The following PPP3CA variants were observed in gnomAD, a reference collection of about 807,000 sequenced individuals.
The protein encoded by PPP3CA is protein phosphatase 3 catalytic subunit alpha, also known as CAM-PRP catalytic subunit.
In PPP3CA, 14 loss-of-function variants were observed where a neutral mutation model predicts 66.5. That is an observed-to-expected ratio of 0.21 (90% CI 0.14 to 0.33). The LOEUF is 0.33. Among genes scored for constraint, PPP3CA ranks in the 10% least tolerant of loss-of-function variants. PPP3CA has a pLI of 1.00. For synonymous variants in PPP3CA, 232 were observed against 226.2 expected (o/e 1.03, Z -0.23); for missense variants, 317 against 639.5 (o/e 0.50, Z 5.44).
intron 1 of PPP3CA, among the ~76,000 whole-genome samples, chr4:101,204,188 G>T (rs985667379): frequency 4.0e-5 from 6 of 151,858 alleles, no homozygotes; most frequent in African/African-American, 1.2e-4. Context: ...TTAATTTTTT[G>T]TAGAGATAAG....
chr4:101,314,999 GA>G (rs1417316869), intron 1 of PPP3CA, among the ~76,000 whole-genome samples: 1 of 152,144 alleles, frequency 6.6e-6, no homozygotes, highest in Non-Finnish European at 1.5e-5. Context: ...CCTACTTACA[GA>G]AATCTTAACA....
chr4:101,240,199 A>G (rs1726262189), intron 1 of PPP3CA, among the ~76,000 whole-genome samples: 1 of 152,028 alleles, frequency 6.6e-6, no homozygotes, highest in Non-Finnish European at 1.5e-5. Flanking sequence ...ACAAAACAAC[A>G]GTTAAGATTG....
At chr4:101,149,204 C>T (rs1051941021) in intron 2 of PPP3CA, among the ~76,000 whole-genome samples, 4 of 152,068 alleles carry the variant, frequency 2.6e-5, no homozygotes, top group African/African-American at 9.7e-5. Context: ...ATGCATAAAG[C>T]ACCATCTTTC....
intron 2 of PPP3CA, among the ~76,000 whole-genome samples, chr4:101,195,254 T>G (rs1180074598): frequency 1.6e-5 from 2 of 124,206 alleles, no homozygotes; most frequent in African/African-American, 3.4e-5. Flanking sequence ...GTGACAAGAG[T>G]GAAACTTCAT....
intron 7 of PPP3CA, among the ~76,000 whole-genome samples, chr4:101,080,966 C>G (rs3804357): frequency 6.6e-6 from 1 of 151,668 alleles, no homozygotes; most frequent in Non-Finnish European, 1.5e-5. Flanking sequence ...TACTTTGTAC[C>G]CACCCAAAAT....
intron 2 of PPP3CA, among the ~76,000 whole-genome samples, chr4:101,142,372 C>A (rs920540422): frequency 3.3e-5 from 5 of 152,146 alleles, no homozygotes; most frequent in African/African-American, 9.7e-5. Context: ...ATCGTGATAT[C>A]GGCAGAGTAG....
rs181731909 is a variant in PPP3CA, at chr4:101,270,366, A to T, written c.59-74250T>A. On this transcript the variant is annotated intron_variant, in intron 1 of 13. Coordinates refer to ENST00000394854, the MANE Select transcript of PPP3CA (RefSeq NM_000944.5). Reference sequence around the variant, plus strand: ...ACAGCGATGTTCAATGTCAGGTACTAGATAAGCTTGTTCAAACTAAGCTTT... The same window carrying T: ...ACAGCGATGTTCAATGTCAGGTACTTGATAAGCTTGTTCAAACTAAGCTTT... 2.0e-5 allele frequency among the ~76,000 whole-genome samples: 3 copies of T among 152,308 alleles called. No homozygotes were observed. In the East Asian group the frequency reaches 5.8e-4, roughly 29 times the overall value.
intron 1 of PPP3CA, among the ~76,000 whole-genome samples, chr4:101,289,264 G>T (rs1327458453): frequency 1.3e-5 from 2 of 152,038 alleles, no homozygotes; most frequent in Non-Finnish European, 2.9e-5. Context: ...TGTAATCATG[G>T]TTTGCTTATA....
chr4:101,125,046 T>C (rs375168745), intron 2 of PPP3CA, among the ~76,000 whole-genome samples: 3 of 152,336 alleles, frequency 2.0e-5, no homozygotes, highest in Non-Finnish European at 2.9e-5. Context: ...TATCTTAAAA[T>C]AGAGATTCAA....
intron 10 of PPP3CA, among the ~76,000 whole-genome samples, chr4:101,047,067 T>C (rs1434136566): frequency 6.6e-6 from 1 of 152,202 alleles, no homozygotes; most frequent in Non-Finnish European, 1.5e-5. Context: ...CCCTAAACCT[T>C]ATCTTGTCTT....
chr4:101,063,130 T>C, intron 9 of PPP3CA, 102 bp downstream of exon 9: 1 of 1,388,310 alleles, frequency 7.2e-7, no homozygotes, highest in Non-Finnish European at 9.7e-7. Flanking sequence ...ACTTGTGAAT[T>C]TTATTGGCTG....
At chr4:101,137,143 T>A (rs150689640) in intron 2 of PPP3CA, among the ~76,000 whole-genome samples, 5 of 152,200 alleles carry the variant, frequency 3.3e-5, no homozygotes, top group African/African-American at 1.2e-4. Context: ...TATTTAAATA[T>A]GTACCTCTGT....
At chr4:101,231,908 A>G (rs1725975245) in intron 1 of PPP3CA, among the ~76,000 whole-genome samples, 1 of 151,790 alleles carries the variant, frequency 6.6e-6, no homozygotes, top group South Asian at 2.1e-4. Context: ...CCTCCCAATC[A>G]TAAGTATTCA....
Position 101,071,537 on chromosome 4 carries a change from T to C in PPP3CA, c.956-8180A>G, listed in dbSNP as rs145984588. 1.1e-3 allele frequency among the ~76,000 whole-genome samples: 169 copies of C among 152,314 alleles called. 3 individuals are homozygous for C. The East Asian group carries it at 0.03, about 27-fold the overall frequency. On this transcript the variant is annotated intron_variant, in intron 8 of 13. Transcript: ENST00000394854. ...ATAGAGAATGAGATTTCTAAAGAAG[T>C]AGGTTTTAGTTCAACTGAAGAATCA...
intron 2 of PPP3CA, among the ~76,000 whole-genome samples, chr4:101,111,658 C>T (rs550319162): frequency 6.6e-6 from 1 of 152,292 alleles, no homozygotes; most frequent in South Asian, 2.1e-4. Context: ...CCAACCCTTG[C>T]TGTATTACTT....
Position 101,083,251 on chromosome 4 carries a change from T to C in PPP3CA, c.795A>G (p.Val265=), listed in dbSNP as rs745724695. ...GCSYFYSYPA[V]CEFLQHNNLL... ...AGTTATTGTGCTGTAAGAATTCACA[T>C]ACAGCCGGGTAACTGCCAGAGACAA... The change falls in exon 7 of 14, where the codon GTA becomes GTG. Residue 265 remains valine (V), a synonymous_variant. Transcript: ENST00000394854. 6 of 1,609,628 alleles carry C rather than the reference T, an allele frequency of 3.7e-6. No homozygotes were observed. Among genetic ancestry groups the C allele is most frequent in the Non-Finnish European group, 5.1e-6 (6 of 1,177,522 alleles).
chr4:101,304,903 G>T (rs565376372), intron 1 of PPP3CA, among the ~76,000 whole-genome samples: 1 of 152,208 alleles, frequency 6.6e-6, no homozygotes, highest in Non-Finnish European at 1.5e-5. Flanking sequence ...AAACAGGCCA[G>T]TCAGTCTGGC....
intron 13 of PPP3CA, among the ~76,000 whole-genome samples, chr4:101,026,867 G>A (rs1397299346): frequency 6.6e-6 from 1 of 152,166 alleles, no homozygotes; most frequent in Non-Finnish European, 1.5e-5. Context: ...CAATGTAGAT[G>A]TAAGTGATGG....
intron 12 of PPP3CA, among the ~76,000 whole-genome samples, chr4:101,031,850 C>G (rs1022166776): frequency 3.9e-5 from 6 of 152,234 alleles, no homozygotes; most frequent in South Asian, 2.1e-4. Flanking sequence ...TCTAGACATA[C>G]AGGTATATTT....
Sources: gnomAD v4.1 joint callset for allele counts (sites outside exome capture counted in the v4.1 genomes callset) on GRCh38, gnomAD v4.1.1 for gene constraint, MANE v1.5 for transcripts, NCBI Gene and HGNC (gene_info 2026-07-23, HGNC 2026-07-21) for gene names.